CDH12: variants seen among roughly 807,000 people sequenced by gnomAD.
CDH12 encodes cadherin-12.
CDH12 carries 41 observed loss-of-function variants against 74.1 expected under a neutral mutation model. The ratio of observed to expected loss-of-function variants is 0.55; its 90% confidence interval spans 0.43 to 0.72. The LOEUF (loss-of-function observed/expected upper bound fraction) is 0.72, where lower values mean the gene tolerates loss of function less well. Among genes scored for constraint, CDH12 ranks in the 30% least tolerant of loss-of-function variants. The probability of loss-of-function intolerance (pLI) is 0.00; values close to 1 mark genes in which losing one functional copy is unlikely to be tolerated. For synonymous variants in CDH12, 399 were observed against 355.0 expected, an observed-to-expected ratio of 1.12 and a Z score of -1.39; for missense variants, 945 against 977.2, an observed-to-expected ratio of 0.97 and a Z score of 0.44.
At chr5:21,796,908 T>A (rs946803463) in intron 10 of CDH12, among the ~76,000 whole-genome samples, 1 of 152,130 alleles carries the variant, frequency 6.6e-6, no homozygotes, top group Non-Finnish European at 1.5e-5. Context: ...ATATACTTAA[T>A]CCAGTCTCGT....
chr5:21,860,714 T>G (rs1182011045), intron 6 of CDH12, among the ~76,000 whole-genome samples: 2 of 152,016 alleles, frequency 1.3e-5, no homozygotes, highest in Non-Finnish European at 2.9e-5. Flanking sequence ...CCTTCAAATA[T>G]CAGACTCCAA....
At chr5:22,241,206 ATTT>A (rs1181670450) in intron 3 of CDH12, among the ~76,000 whole-genome samples, 2 of 152,024 alleles carry the variant, frequency 1.3e-5, no homozygotes, top group Non-Finnish European at 2.9e-5. Context: ...AATACTATTT[ATTT>A]TTTAATATTT....
intron 4 of CDH12, among the ~76,000 whole-genome samples, chr5:22,113,938 A>G (rs1290050001): frequency 6.6e-6 from 1 of 152,136 alleles, no homozygotes; most frequent in South Asian, 2.1e-4. Context: ...GAAGCAGTGG[A>G]GGGCCTCTGG....
intron 1 of CDH12, among the ~76,000 whole-genome samples, chr5:22,643,633 G>C (rs897103898): frequency 2.0e-5 from 3 of 149,856 alleles, no homozygotes; most frequent in Admixed American, 2.0e-4. Flanking sequence ...ATTTAAAGTT[G>C]AGCACATTAA....
chr5:22,058,898 G>T (rs187978372), intron 5 of CDH12, among the ~76,000 whole-genome samples: 231 of 152,116 alleles, frequency 1.5e-3, no homozygotes, highest in Non-Finnish European at 2.8e-3. Flanking sequence ...TAAAGCCAGG[G>T]TTTTAGATGG....
chr5:21,911,271 A>G (rs1404310653), intron 6 of CDH12, among the ~76,000 whole-genome samples: 2 of 152,202 alleles, frequency 1.3e-5, no homozygotes. Flanking sequence ...AAATCCCAAT[A>G]CAGCCTATAA....
At chr5:22,695,583 T>A (rs991558341) in intron 1 of CDH12, among the ~76,000 whole-genome samples, 11 of 152,204 alleles carry the variant, frequency 7.2e-5, no homozygotes, top group Non-Finnish European at 1.3e-4. Flanking sequence ...CAGACATATT[T>A]TAAAATTATT....
At chr5:22,428,125 G>GA (rs932945577) in intron 2 of CDH12, among the ~76,000 whole-genome samples, 1 of 151,716 alleles carries the variant, frequency 6.6e-6, no homozygotes, top group Non-Finnish European at 1.5e-5. Flanking sequence ...GCCCAATTCT[G>GA]AAAGGAAATA....
At chr5:22,515,284 T>C (rs1304450285) in intron 1 of CDH12, among the ~76,000 whole-genome samples, 2 of 152,066 alleles carry the variant, frequency 1.3e-5, no homozygotes, top group African/African-American at 4.8e-5. Context: ...AATTCAGATA[T>C]TTTTCCCCAT....
chr5:22,402,213 G>C (rs1742757733), intron 3 of CDH12, among the ~76,000 whole-genome samples: 1 of 152,158 alleles, frequency 6.6e-6, no homozygotes, highest in Admixed American at 6.6e-5. Context: ...GGCACCTCTT[G>C]AAGAGATATT....
intron 4 of CDH12, among the ~76,000 whole-genome samples, chr5:22,177,816 T>G (rs761903464): frequency 2.0e-5 from 3 of 152,178 alleles, no homozygotes; most frequent in Non-Finnish European, 4.4e-5. Context: ...GACATTTCTC[T>G]CTTAGCTTCA....
At chr5:22,510,952 GGGCA>G (rs995379538) in intron 1 of CDH12, among the ~76,000 whole-genome samples, 10 of 151,376 alleles carry the variant, frequency 6.6e-5, no homozygotes, top group Admixed American at 6.6e-4. Context: ...TGGAGTGCAA[GGGCA>G]TGGTCTCAGC....
intron 11 of CDH12, among the ~76,000 whole-genome samples, chr5:21,780,002 C>A (rs1197823174): frequency 3.3e-5 from 5 of 152,046 alleles, no homozygotes; most frequent in Admixed American, 1.3e-4. Context: ...GTTCTAATAT[C>A]TTTACATTGG....
chr5:22,587,963 T>C (rs1227603341), intron 1 of CDH12, among the ~76,000 whole-genome samples: 1 of 148,492 alleles, frequency 6.7e-6, no homozygotes, highest in Non-Finnish European at 1.5e-5. Flanking sequence ...TATATCCATA[T>C]TATATATATA....
chr5:21,955,132 C>A (rs867578519), intron 6 of CDH12, among the ~76,000 whole-genome samples: 2 of 151,930 alleles, frequency 1.3e-5, no homozygotes, highest in Middle Eastern at 3.4e-3. Context: ...ATATTAATTT[C>A]TTTGATCCAC....
At chr5:22,617,038 G>C (rs199874033) in intron 1 of CDH12, among the ~76,000 whole-genome samples, 1 of 151,874 alleles carries the variant, frequency 6.6e-6, no homozygotes, top group East Asian at 1.9e-4. Context: ...CTAATTTTTT[G>C]TGTTTTTAAT....
intron 11 of CDH12, among the ~76,000 whole-genome samples, chr5:21,771,403 A>G (rs1315533010): frequency 6.6e-6 from 1 of 152,184 alleles, no homozygotes; most frequent in Non-Finnish European, 1.5e-5. Context: ...TAAATGGCAC[A>G]TTAAATTATA....
At chr5:22,830,771 C>T (rs551518592) in intron 1 of CDH12, among the ~76,000 whole-genome samples, 1 of 151,492 alleles carries the variant, frequency 6.6e-6, no homozygotes, top group African/African-American at 2.4e-5. Context: ...ATTATATTAA[C>T]TTAATTTTAA....
intron 6 of CDH12, among the ~76,000 whole-genome samples, chr5:21,886,468 A>G (rs1193124532): frequency 6.8e-6 from 1 of 147,416 alleles, no homozygotes; most frequent in Admixed American, 6.8e-5. Context: ...TTTTCCTCAT[A>G]TATATGAGGA....
Sources: allele counts gnomAD v4.1 joint callset (sites outside exome capture counted in the v4.1 genomes callset), GRCh38; gene constraint gnomAD v4.1.1; transcripts MANE v1.5; gene names NCBI Gene and HGNC (gene_info 2026-07-23, HGNC 2026-07-21).